Variants in KYNU observed in about 807,000 individuals in gnomAD.
The protein encoded by KYNU is L-kynurenine hydrolase.
KYNU carries 54 observed loss-of-function variants against 59.2 expected under a neutral mutation model. The observed-to-expected ratio is 0.91, with a 90% CI of 0.73 to 1.14. The LOEUF is 1.14. KYNU is among the 50% of genes most tolerant of loss of function. The pLI is 0.00. For missense variants in KYNU, 567 were observed against 554.4 expected, an observed-to-expected ratio of 1.02 and a Z score of -0.23; for synonymous variants, 177 against 192.0, an observed-to-expected ratio of 0.92 and a Z score of 0.65.
intron 4 of KYNU, among the ~76,000 whole-genome samples, chr2:142,952,172 G>A (rs1684012083): frequency 6.6e-6 from 1 of 151,912 alleles, no homozygotes; most frequent in African/African-American, 2.4e-5. Context: ...CCTTCCCCAG[G>A]CTCAAGCGAT....
At chr2:142,972,223 C>T (rs992416213) in intron 8 of KYNU, among the ~76,000 whole-genome samples, 8 of 152,050 alleles carry the variant, frequency 5.3e-5, no homozygotes, top group South Asian at 2.1e-4. Context: ...TTTAAAGTGG[C>T]GTGATTATTG....
chr2:143,011,251 A>G (rs1411322764), intron 10 of KYNU, among the ~76,000 whole-genome samples: 1 of 132,816 alleles, frequency 7.5e-6, no homozygotes, highest in African/African-American at 3.2e-5. Flanking sequence ...AAGTGGGTGA[A>G]GGACATGAAC....
chr2:142,946,096 A>G (rs1031602617), intron 4 of KYNU, among the ~76,000 whole-genome samples: 3 of 150,528 alleles, frequency 2.0e-5, no homozygotes, highest in Non-Finnish European at 3.0e-5. Context: ...TTTATTTTTT[A>G]TTTTTGAGAC....
chr2:142,926,780 C>T (rs2105011944), intron 3 of KYNU, among the ~76,000 whole-genome samples: 1 of 152,218 alleles, frequency 6.6e-6, no homozygotes, highest in South Asian at 2.1e-4. Flanking sequence ...GCATTACACA[C>T]CAGGCTTGGG....
Position 143,029,656 on chromosome 2 carries a change from G to A in KYNU, c.932G>A (p.Ser311Asn). The A allele has an allele frequency of 1.3e-6, 2 of 1,594,374 alleles. No homozygotes were observed. The highest frequency in any genetic ancestry group is 1.7e-6 in the Non-Finnish European group (2 of 1,162,074). ...GTGGGATGGTTTGGCCATGAACTCA[G>A]CACCAGATTTAAGATGGATAACAGT... ...ALVGWFGHEL[S>N]TRFKMDNKLQ... Residue 311 changes from serine (S) to asparagine (N), a missense_variant, in exon 11 of 14, where the codon AGC (serine) becomes AAC (asparagine). By Grantham distance (46) the Ser-to-Asn change is conservative. Coordinates refer to ENST00000264170, the MANE Select transcript of KYNU (RefSeq NM_003937.3).
At chr2:143,016,994 C>G (rs997096820) in intron 10 of KYNU, among the ~76,000 whole-genome samples, 18 of 152,146 alleles carry the variant, frequency 1.2e-4, no homozygotes, top group Non-Finnish European at 2.1e-4. Flanking sequence ...CAGTGAGAAC[C>G]TGCGATATTT....
intron 4 of KYNU, among the ~76,000 whole-genome samples, chr2:142,928,088 A>G (rs1683100765): frequency 6.6e-6 from 1 of 152,216 alleles, no homozygotes; most frequent in Non-Finnish European, 1.5e-5. Context: ...TAATTTAACT[A>G]TTTGATATAA....
At chr2:142,920,578 T>C (rs559345517) in intron 3 of KYNU, among the ~76,000 whole-genome samples, 52 of 152,336 alleles carry the variant, frequency 3.4e-4, no homozygotes, top group African/African-American at 1.2e-3. Flanking sequence ...CCTCATGCTC[T>C]TCTATTGTTT....
chr2:142,904,771 A>C (rs1023235919), intron 2 of KYNU, among the ~76,000 whole-genome samples: 1 of 152,104 alleles, frequency 6.6e-6, no homozygotes, highest in African/African-American at 2.4e-5. Context: ...AGTGTTCTCT[A>C]TGGTCCTTTC....
intron 8 of KYNU, among the ~76,000 whole-genome samples, chr2:142,972,894 C>T (rs1416145700): frequency 2.0e-5 from 3 of 148,438 alleles, no homozygotes; most frequent in Non-Finnish European, 4.5e-5. Context: ...ATTTGCCATA[C>T]ATAGCCAATT....
intron 10 of KYNU, among the ~76,000 whole-genome samples, chr2:143,005,479 G>A (rs1281860025): frequency 8.5e-6 from 1 of 117,176 alleles, no homozygotes; most frequent in Non-Finnish European, 1.8e-5. Context: ...CAAGTCACAT[G>A]TGCATCTATA....
intron 4 of KYNU, among the ~76,000 whole-genome samples, chr2:142,944,713 A>G (rs1008901132): frequency 1.3e-5 from 2 of 152,234 alleles, no homozygotes; most frequent in Non-Finnish European, 2.9e-5. Context: ...ATATTGAAAC[A>G]TCTTAGGACA....
chr2:143,038,798 A>G (rs550194308), intron 12 of KYNU, among the ~76,000 whole-genome samples: 6 of 152,236 alleles, frequency 3.9e-5, no homozygotes, highest in African/African-American at 1.4e-4. Context: ...GTGCCTGCCT[A>G]CACATGCCAC....
At chr2:142,910,169 C>A (rs1002302160) in intron 2 of KYNU, among the ~76,000 whole-genome samples, 1 of 121,846 alleles carries the variant, frequency 8.2e-6, no homozygotes, top group Non-Finnish European at 1.6e-5. Flanking sequence ...CAGAGTCTTG[C>A]TCTGTCCCCC....
At chr2:143,004,877 G>A (rs1026288800) in intron 10 of KYNU, among the ~76,000 whole-genome samples, 1 of 152,134 alleles carries the variant, frequency 6.6e-6, no homozygotes, top group Non-Finnish European at 1.5e-5. Flanking sequence ...GCCATCACCA[G>A]TATCTAACCC....
chr2:142,927,295 T>C (rs1274325100), intron 3 of KYNU, among the ~76,000 whole-genome samples: 1 of 152,166 alleles, frequency 6.6e-6, no homozygotes, highest in Non-Finnish European at 1.5e-5. Context: ...CAAAATAGTA[T>C]GGAAGTTTTA....
At chr2:142,895,134 T>A (rs1245865139) in intron 2 of KYNU, among the ~76,000 whole-genome samples, 1 of 152,206 alleles carries the variant, frequency 6.6e-6, no homozygotes, top group East Asian at 1.9e-4. Flanking sequence ...ATTGATATTG[T>A]TAATATTTAA....
rs1429401638 is a variant in KYNU, at chr2:142,894,349, T to C, written c.169+8813T>C. 2.6e-5 allele frequency among the ~76,000 whole-genome samples: 4 copies of C among 152,172 alleles called. No individual in the cohort carries two copies. The East Asian group carries it at 7.7e-4, about 29-fold the overall frequency. ...CCCTATTGGAAAAAGGACATGAATA[T>C]TTCCTCAGTGCACCACCAGGAAATT... On this transcript the variant is annotated intron_variant, in intron 2 of 13. Transcript: ENST00000264170.
At chr2:142,934,016 G>T (rs1032359194) in intron 4 of KYNU, among the ~76,000 whole-genome samples, 4 of 152,210 alleles carry the variant, frequency 2.6e-5, no homozygotes, top group African/African-American at 9.7e-5. Flanking sequence ...TATGGGTTAG[G>T]AACTACTAGA....
Sources: gnomAD v4.1 joint callset for allele counts (sites outside exome capture counted in the v4.1 genomes callset) on GRCh38, gnomAD v4.1.1 for gene constraint, MANE v1.5 for transcripts, NCBI Gene and HGNC (gene_info 2026-07-23, HGNC 2026-07-21) for gene names.